Variants in TMEM163 observed in about 807,000 individuals in gnomAD.
TMEM163 encodes the protein transmembrane protein 163.
Under a neutral mutation model 29.3 loss-of-function variants are expected in TMEM163, and 17 were observed. The ratio of observed to expected loss-of-function variants is 0.58; its 90% CI spans 0.40 to 0.87. The LOEUF (loss-of-function observed/expected upper bound fraction) is 0.87, where lower values mean the gene tolerates loss of function less well. TMEM163 is among the 40% of genes least tolerant of loss of function. The pLI is 0.00. For missense variants in TMEM163, 303 were observed against 381.5 expected, an observed-to-expected ratio of 0.79 and a Z score of 1.71; for synonymous variants, 157 against 160.6, an observed-to-expected ratio of 0.98 and a Z score of 0.17.
At chr2:134,593,394 C>A (rs1681982212) in intron 2 of TMEM163, among the ~76,000 whole-genome samples, 2 of 136,432 alleles carry the variant, frequency 1.5e-5, no homozygotes, top group Middle Eastern at 3.4e-3. Flanking sequence ...GAGGAGACTG[C>A]AGAAAAGAGC....
At chr2:134,647,095 C>T (rs563212823) in intron 2 of TMEM163, among the ~76,000 whole-genome samples, 1 of 152,310 alleles carries the variant, frequency 6.6e-6, no homozygotes, top group South Asian at 2.1e-4. Context: ...AGCTGTGTGC[C>T]TTAGCCAAGT....
chr2:134,475,080 CTTAT>C (rs1159777290), intron 5 of TMEM163, among the ~76,000 whole-genome samples: 1 of 151,958 alleles, frequency 6.6e-6, no homozygotes, highest in African/African-American at 2.4e-5. Flanking sequence ...AAGGCCTTTC[CTTAT>C]TTGATTTATG....
Position 134,493,362 on chromosome 2 carries a change from C to CTTTTTTTTTTTTTTTTTTTTTT in TMEM163, c.555+9517_555+9538dup, listed in dbSNP as rs1159013721. On this transcript the variant is annotated intron_variant, in intron 5 of 7. Coordinates refer to ENST00000281924, the MANE Select transcript of TMEM163 (RefSeq NM_030923.5). ...GACTTATGGTTCAAGCTTTTGGTGT[C>CTTTTTTTTTTTTTTTTTTTTTT]TTTTTTTTTTTTTTTTTTTTTTTTT... Among the ~76,000 whole-genome samples the CTTTTTTTTTTTTTTTTTTTTTT allele has an allele frequency of 6.0e-5, 3 of 49,828 alleles. 1 individual carries two copies. Among genetic ancestry groups the CTTTTTTTTTTTTTTTTTTTTTT allele is most frequent in the Admixed American group, 2.9e-4 (1 of 3,430 alleles). The allele number at this position is 49,828 out of a possible 152,430, so 32.7% of individuals were successfully genotyped here.
chr2:134,691,400 C>G (rs564350105), intron 2 of TMEM163, among the ~76,000 whole-genome samples: 1 of 152,324 alleles, frequency 6.6e-6, no homozygotes, highest in South Asian at 2.1e-4. Flanking sequence ...GCCCCATTCT[C>G]CAATCCGGGT....
At chr2:134,706,358 G>A (rs186172823) in intron 2 of TMEM163, among the ~76,000 whole-genome samples, 6 of 152,226 alleles carry the variant, frequency 3.9e-5, no homozygotes, top group South Asian at 2.1e-4. Flanking sequence ...GCAGGGAGGC[G>A]GCAAAACTGA....
intron 5 of TMEM163, among the ~76,000 whole-genome samples, chr2:134,500,356 G>A (rs1217830587): frequency 1.3e-5 from 2 of 152,194 alleles, no homozygotes; most frequent in Admixed American, 6.5e-5. Context: ...AGACAGACAC[G>A]GTCAGCTGCC....
chr2:134,566,408 C>A (rs1025901437), intron 2 of TMEM163, among the ~76,000 whole-genome samples: 1 of 151,946 alleles, frequency 6.6e-6, no homozygotes, highest in African/African-American at 2.4e-5. Flanking sequence ...CTAAAAAACA[C>A]GAAAATTAGC....
chr2:134,539,421 G>T (rs978744440), intron 4 of TMEM163, among the ~76,000 whole-genome samples: 1 of 152,162 alleles, frequency 6.6e-6, no homozygotes, highest in Admixed American at 6.5e-5. Context: ...CGGTGCTGAC[G>T]GTGTATGCAC....
chr2:134,585,763 A>C (rs1201691744), intron 2 of TMEM163, among the ~76,000 whole-genome samples: 1 of 151,440 alleles, frequency 6.6e-6, no homozygotes, highest in African/African-American at 2.4e-5. Context: ...AAATACCTGG[A>C]AGAGTGCCTG....
chr2:134,686,605 T>C (rs1684356815), intron 2 of TMEM163, among the ~76,000 whole-genome samples: 1 of 152,202 alleles, frequency 6.6e-6, no homozygotes, highest in African/African-American at 2.4e-5. Context: ...AATCATAGCA[T>C]GCTACTCGGC....
At chr2:134,711,041 C>T (rs1684915404) in intron 2 of TMEM163, among the ~76,000 whole-genome samples, 1 of 152,124 alleles carries the variant, frequency 6.6e-6, no homozygotes, top group African/African-American at 2.4e-5. Context: ...TTTACAAAAA[C>T]CTTTATTGCC....
rs1180474778 is a variant in TMEM163 at position 134,554,447 on chromosome 2, AAGAG to A, written c.323-2360_323-2357del. Among the ~76,000 whole-genome samples the A allele has an allele frequency of 6.1e-5, 9 of 148,262 alleles. No individual in the cohort carries two copies. In the South Asian group the frequency reaches 6.4e-4, roughly 11 times the overall value. On this transcript the variant is annotated intron_variant, in intron 2 of 7. Transcript: ENST00000281924. ...CAAAAAAAAAAAAAAAAAAAAAAAA[AAGAG>A]AGAGAGAGAAATGCTGCCACCGGGC...
At chr2:134,588,893 C>T (rs544111282) in intron 2 of TMEM163, among the ~76,000 whole-genome samples, 149 of 152,154 alleles carry the variant, frequency 9.8e-4, no homozygotes, top group African/African-American at 3.5e-3. Context: ...CCAGTTAGAC[C>T]AAAGTGTAGA....
At chr2:134,606,425 G>C (rs1158663421) in intron 2 of TMEM163, among the ~76,000 whole-genome samples, 2 of 151,660 alleles carry the variant, frequency 1.3e-5, no homozygotes, top group South Asian at 2.1e-4. Context: ...CCTTCATCTC[G>C]CCACAATCAA....
At chr2:134,578,502 G>A (rs1054059322) in intron 2 of TMEM163, among the ~76,000 whole-genome samples, 3 of 152,186 alleles carry the variant, frequency 2.0e-5, no homozygotes, top group African/African-American at 7.2e-5. Flanking sequence ...TTCCCATCGT[G>A]GTTAGCGTCT....
chr2:134,667,586 G>A (rs567272251), intron 2 of TMEM163, among the ~76,000 whole-genome samples: 1 of 152,326 alleles, frequency 6.6e-6, no homozygotes, highest in South Asian at 2.1e-4. Flanking sequence ...CAGGCTATGT[G>A]TTTAAACCAT....
chr2:134,475,704 G>C (rs1283275530), intron 5 of TMEM163, among the ~76,000 whole-genome samples: 2 of 152,028 alleles, frequency 1.3e-5, no homozygotes, highest in African/African-American at 4.8e-5. Context: ...TAAGATGTAA[G>C]AACAGCAAAT....
rs1682836469 is a variant in TMEM163 at position 134,625,827 on chromosome 2, G to A, written c.323-73736C>T. Among the ~76,000 whole-genome samples the A allele has an allele frequency of 2.0e-5, 3 of 152,184 alleles. No homozygotes were observed. In the South Asian group the frequency reaches 6.2e-4, roughly 32 times the overall value. ...GGGTCAACAGCTTATCAGAGAGTCA[G>A]CTGTAGGGGCAGCTCCTCACCCCAC... On this transcript the variant is annotated intron_variant, in intron 2 of 7. Transcript: ENST00000281924.
intron 4 of TMEM163, among the ~76,000 whole-genome samples, chr2:134,516,565 A>C (rs192985226): frequency 3.3e-5 from 5 of 150,132 alleles, no homozygotes; most frequent in African/African-American, 1.2e-4. Context: ...TGTCTCAAAA[A>C]TAAATAAATA....
Sources: gnomAD v4.1 joint callset for allele counts (sites outside exome capture counted in the v4.1 genomes callset) on GRCh38, gnomAD v4.1.1 for gene constraint, MANE v1.5 for transcripts, NCBI Gene and HGNC (gene_info 2026-07-23, HGNC 2026-07-21) for gene names.